Variants in HEATR4 observed in about 807,000 individuals in gnomAD.
HEATR4 encodes HEAT repeat-containing protein 4.
In HEATR4, 95 loss-of-function variants were observed where a neutral mutation model predicts 108.8. The ratio of observed to expected loss-of-function variants is 0.87; its 90% CI spans 0.74 to 1.04. HEATR4 has a LOEUF of 1.04. Ranked by LOEUF, HEATR4 falls within the 50% of genes least tolerant of loss-of-function variation. The probability of loss-of-function intolerance (pLI) is 0.00; values close to 1 mark genes in which losing one functional copy is unlikely to be tolerated. For synonymous variants in HEATR4, 443 were observed against 459.4 expected (o/e 0.96, Z 0.46); for missense variants, 1,152 against 1,253.8 (o/e 0.92, Z 1.23).
the HEATR4 span, among the ~76,000 whole-genome samples, chr14:73,594,253 G>A: frequency 0.061 from 9,237 of 152,186 alleles, 603 homozygotes; most frequent in African/African-American, 0.17. Context: ...CCTTTCAGAA[G>A]CCAAGAACAA....
chr14:73,562,617 A>C (rs1207553308), upstream of HEATR4, among the ~76,000 whole-genome samples: 1 of 152,032 alleles, frequency 6.6e-6, no homozygotes, highest in East Asian at 1.9e-4. Context: ...TTTCCTAGTA[A>C]GGAATATTAA....
rs1346856903 is a variant in HEATR4 at position 73,522,392 on chromosome 14, C to A, written c.761G>T (p.Ser254Ile). 2 of 1,614,272 alleles carry A rather than the reference C, an allele frequency of 1.2e-6. No individual in the cohort carries two copies. Among genetic ancestry groups the A allele is most frequent in the South Asian group, 2.2e-5 (2 of 91,090 alleles). The part of the protein sequence containing the change: ...SHIRDELTSA[S>I]DLELLKQLEA... ...CAGCTGTTTCAGGAGCTCCAGGTCA[C>A]TGGCAGAGGTAAGCTCATCCCGAAT... is the stretch of plus-strand genomic sequence containing the variant. The change falls in exon 3 of 18, where the codon AGT (serine) becomes ATT (isoleucine). Residue 254 changes from serine (S) to isoleucine (I), a missense_variant. Coordinates refer to ENST00000553558, the MANE Select transcript of HEATR4 (RefSeq NM_001220484.1).
At chr14:73,548,215 AG>A (rs1889265996) in intron 1 of HEATR4, among the ~76,000 whole-genome samples, 1 of 116,558 alleles carries the variant, frequency 8.6e-6, no homozygotes, top group Non-Finnish European at 1.9e-5. Flanking sequence ...ACTTGTAAAA[AG>A]AAGCCAATAT....
chr14:73,492,589 C>T lies in HEATR4; in HGVS notation c.2844+477G>A, dbSNP rs200159534. 5.9e-5 allele frequency: 95 copies of T among 1,613,744 alleles called. No homozygotes were observed. Among genetic ancestry groups the T allele is most frequent in the Non-Finnish European group, 7.9e-5 (93 of 1,179,856 alleles). Reference sequence around the variant, plus strand: ...ATAGGGAGAGGGCACTAAGTGTTTACGGGCTTCCAATTCGCTGGGAGGCTG... The same window carrying T: ...ATAGGGAGAGGGCACTAAGTGTTTATGGGCTTCCAATTCGCTGGGAGGCTG... On this transcript the variant is annotated intron_variant, in intron 17 of 17. Coordinates refer to ENST00000553558, the MANE Select transcript of HEATR4 (RefSeq NM_001220484.1). This position sits in a 1 kb window ranked among gnomAD's most constrained non-coding sequence, Gnocchi z 4.9.
At chr14:73,502,482 T>C (rs1886533451) in intron 11 of HEATR4, among the ~76,000 whole-genome samples, 1 of 152,106 alleles carries the variant, frequency 6.6e-6, no homozygotes, top group African/African-American at 2.4e-5. Flanking sequence ...TTTTTTACAG[T>C]GGGACCTGGT....
Position 73,509,536 on chromosome 14 carries a change from C to T in HEATR4, c.1559-63G>A. On this transcript the variant is annotated intron_variant, in intron 7 of 17. Transcript: ENST00000553558. ...CTTTGCTTTTCTCACACACAGCTTCCTTCCTACAGCCATGTGGTGGCCAAC... is the reference window on the plus strand; with the variant it reads ...CTTTGCTTTTCTCACACACAGCTTCTTTCCTACAGCCATGTGGTGGCCAAC... 5 of 1,569,068 alleles carry T rather than the reference C, an allele frequency of 3.2e-6. No individual in the cohort carries two copies. The South Asian group carries it at 5.6e-5, about 18-fold the overall frequency.
chr14:73,570,448 AG>A, the HEATR4 span, among the ~76,000 whole-genome samples: 1 of 151,982 alleles, frequency 6.6e-6, no homozygotes. Flanking sequence ...GGGCGCCTGT[AG>A]TCCCAGCTAC....
At chr14:73,481,761 C>T (rs976817938) in intron 17 of HEATR4, among the ~76,000 whole-genome samples, 5 of 151,988 alleles carry the variant, frequency 3.3e-5, no homozygotes, top group East Asian at 1.9e-4. Context: ...AGGAGAATGG[C>T]GTGAACCTGG....
chr14:73,495,078 G>A, intron 16 of HEATR4, 150 bp downstream of exon 16: 1 of 563,176 alleles, frequency 1.8e-6, no homozygotes, highest in African/African-American at 1.9e-5. Flanking sequence ...AAAACACAAA[G>A]ACTGAGTGGA....
At chr14:73,621,268 G>T in the HEATR4 span, among the ~76,000 whole-genome samples, 1 of 152,076 alleles carries the variant, frequency 6.6e-6, no homozygotes, top group African/African-American at 2.4e-5. Flanking sequence ...TATACCTGTG[G>T]ATATACTTCT....
At chr14:73,617,130 C>T in the HEATR4 span, 2 of 1,613,380 alleles carry the variant, frequency 1.2e-6, no homozygotes, top group Non-Finnish European at 8.5e-7. Flanking sequence ...CCCCGAAGAT[C>T]TGAATGATGT....
intron 16 of HEATR4, among the ~76,000 whole-genome samples, chr14:73,493,588 A>G (rs913330436): frequency 2.0e-5 from 3 of 152,108 alleles, no homozygotes; most frequent in African/African-American, 4.8e-5. Context: ...CTGTAATCCT[A>G]GCACTTTAGG....
At chr14:73,573,977 T>A in the HEATR4 span, among the ~76,000 whole-genome samples, 2 of 152,146 alleles carry the variant, frequency 1.3e-5, no homozygotes, top group African/African-American at 4.8e-5. Context: ...TCCACCTGCT[T>A]TGACCTACCC....
chr14:73,592,156 C>T, the HEATR4 span: 1 of 1,597,638 alleles, frequency 6.3e-7, no homozygotes. Flanking sequence ...GAGCGCGCAC[C>T]CGCGCTGGGC....
At chr14:73,572,587 C>T in the HEATR4 span, among the ~76,000 whole-genome samples, 1,420 of 143,672 alleles carry the variant, frequency 9.9e-3, 19 homozygotes, top group African/African-American at 0.035. Flanking sequence ...TGATGGTTTG[C>T]GGGTATCAGC....
chr14:73,510,642 G>A (rs1214473516), intron 7 of HEATR4, among the ~76,000 whole-genome samples: 1 of 152,088 alleles, frequency 6.6e-6, no homozygotes, highest in East Asian at 1.9e-4. Context: ...CACCATGTTG[G>A]CCAGGCTGGT....
chr14:73,598,561 T>C, the HEATR4 span, among the ~76,000 whole-genome samples: 129 of 151,892 alleles, frequency 8.5e-4, 2 homozygotes, highest in South Asian at 0.025. Context: ...CCTTTGGAGC[T>C]TGAGCCACTA....
chr14:73,553,442 G>T (rs1461670449), intron 1 of HEATR4, among the ~76,000 whole-genome samples: 1 of 112,282 alleles, frequency 8.9e-6, no homozygotes, highest in African/African-American at 2.9e-5. Flanking sequence ...AACCCAGAAG[G>T]TAGAGGTCCA....
the HEATR4 span, among the ~76,000 whole-genome samples, chr14:73,623,127 TCTTGAA>T: frequency 6.6e-6 from 1 of 151,890 alleles, no homozygotes; most frequent in African/African-American, 2.4e-5. Flanking sequence ...GTCAGGCTGA[TCTTGAA>T]CTCCTGAGTT....
Sources: gnomAD v4.1 joint callset for allele counts (sites outside exome capture counted in the v4.1 genomes callset) on GRCh38, gnomAD v4.1.1 for gene constraint, Gnocchi (gnomAD v3.1) non-coding constraint, MANE v1.5 for transcripts, NCBI Gene and HGNC (gene_info 2026-07-23, HGNC 2026-07-21) for gene names.